Variants in ACACA observed in about 807,000 individuals in gnomAD.
ACACA encodes acetyl-CoA carboxylase 1.
Under a neutral mutation model 296.1 loss-of-function variants are expected in ACACA, and 103 were observed. The ratio of observed to expected loss-of-function variants is 0.35; its 90% confidence interval spans 0.30 to 0.41. ACACA has a LOEUF of 0.41. ACACA is among the 10% of genes least tolerant of loss of function. ACACA has a pLI of 1.00. For synonymous variants in ACACA, 953 were observed against 1,038.6 expected, an observed-to-expected ratio of 0.92 and a Z score of 1.58; for missense variants, 1,554 against 2,989.7, an observed-to-expected ratio of 0.52 and a Z score of 11.20.
intron 43 of ACACA, among the ~76,000 whole-genome samples, chr17:37,153,300 C>A (rs1219881635): frequency 6.6e-6 from 1 of 152,160 alleles, no homozygotes; most frequent in Admixed American, 6.5e-5. Flanking sequence ...CAGAATCTCA[C>A]CGTAACTATA....
chr17:37,313,766 C>A lies in ACACA; in HGVS notation c.338+16407G>T, dbSNP rs901664214. On this transcript the variant is annotated intron_variant, in intron 3 of 55. Coordinates refer to ENST00000616317, the MANE Select transcript of ACACA (RefSeq NM_198834.3). ...TAAAACACAATGGGAATGTAAATCT[C>A]CATACAACCACTATGGAGAACAGTA... Among the ~76,000 whole-genome samples, 4 of 152,248 alleles carry A rather than the reference C, an allele frequency of 2.6e-5. No homozygotes were observed. In the East Asian group the frequency reaches 7.7e-4, roughly 29 times the overall value.
intron 1 of ACACA, among the ~76,000 whole-genome samples, chr17:37,389,071 T>G (rs749454954): frequency 1.3e-5 from 2 of 152,212 alleles, no homozygotes; most frequent in Non-Finnish European, 2.9e-5. Flanking sequence ...GCTCACTAAA[T>G]GCAGTTCCTT....
chr17:37,112,882 A>C (rs1217054171), intron 51 of ACACA, among the ~76,000 whole-genome samples: 1 of 152,154 alleles, frequency 6.6e-6, no homozygotes, highest in African/African-American at 2.4e-5. Context: ...TCTCCCTTAC[A>C]GTTTTTTTGG....
At chr17:37,156,155 C>T (rs1299853556) in intron 42 of ACACA, among the ~76,000 whole-genome samples, 1 of 150,178 alleles carries the variant, frequency 6.7e-6, no homozygotes, top group African/African-American at 2.5e-5. Context: ...GTTCCGCCTC[C>T]TGGGTTCACA....
intron 41 of ACACA, among the ~76,000 whole-genome samples, chr17:37,175,527 TCAACA>T (rs1180898167): frequency 1.3e-5 from 2 of 152,220 alleles, no homozygotes; most frequent in Non-Finnish European, 1.5e-5. Context: ...GTATCCAGGC[TCAACA>T]GCACACATTC....
At chr17:37,227,687 C>T (rs184472340) in intron 25 of ACACA, among the ~76,000 whole-genome samples, 6 of 152,092 alleles carry the variant, frequency 3.9e-5, no homozygotes, top group East Asian at 1.9e-4. Context: ...GGTGAAACCC[C>T]GTCTCTACTA....
At chr17:37,165,714 A>T (rs1598035063) in intron 41 of ACACA, among the ~76,000 whole-genome samples, 2 of 147,174 alleles carry the variant, frequency 1.4e-5, no homozygotes, top group Non-Finnish European at 1.5e-5. Context: ...TCGCTCTGTC[A>T]CCCAGGCTGG....
intron 45 of ACACA, among the ~76,000 whole-genome samples, chr17:37,134,532 A>G (rs2075251565): frequency 6.6e-6 from 1 of 152,226 alleles, no homozygotes; most frequent in South Asian, 2.1e-4. Context: ...GGGGACCCTT[A>G]GACTTATAGG....
At chr17:37,289,381 G>T (rs2082939203) in intron 3 of ACACA, 1 of 1,150,646 alleles carries the variant, frequency 8.7e-7, no homozygotes, top group Non-Finnish European at 1.2e-6. Flanking sequence ...GGTATTGAAA[G>T]GTAACACAGA....
intron 3 of ACACA, among the ~76,000 whole-genome samples, chr17:37,327,768 C>T (rs537246218): frequency 9.9e-4 from 150 of 152,202 alleles, no homozygotes; most frequent in Non-Finnish European, 1.8e-3. Context: ...ACCAGTCTTT[C>T]TCAACAGGGG....
chr17:37,223,811 T>C (rs1567840583), intron 27 of ACACA, among the ~76,000 whole-genome samples: 1 of 152,240 alleles, frequency 6.6e-6, no homozygotes, highest in Admixed American at 6.5e-5. Flanking sequence ...TAAATACATG[T>C]AAAATTCTTG....
intron 12 of ACACA, among the ~76,000 whole-genome samples, chr17:37,258,949 G>A (rs1287500914): frequency 6.6e-6 from 1 of 152,026 alleles, no homozygotes; most frequent in East Asian, 1.9e-4. Context: ...AAATATATGT[G>A]TGCTACCACA....
intron 1 of ACACA, among the ~76,000 whole-genome samples, chr17:37,349,540 T>C (rs1218213670): frequency 1.4e-5 from 2 of 148,068 alleles, no homozygotes; most frequent in African/African-American, 4.9e-5. Flanking sequence ...TGCGCGCGTG[T>C]GTGTGTGTAT....
intron 3 of ACACA, chr17:37,301,319 C>T: frequency 1.1e-6 from 1 of 943,708 alleles, no homozygotes; most frequent in Non-Finnish European, 1.3e-6. Context: ...ACATTCATTT[C>T]TCCAAATTTA....
chr17:37,360,223 G>A (rs1242755572), intron 1 of ACACA: 1 of 152,194 alleles, frequency 6.6e-6, no homozygotes, highest in Non-Finnish European at 1.5e-5. Flanking sequence ...GCCCTTCCAA[G>A]GAGGAATTTA....
At chr17:37,115,524 G>C (rs954041703) in intron 50 of ACACA, among the ~76,000 whole-genome samples, 2 of 152,092 alleles carry the variant, frequency 1.3e-5, no homozygotes, top group Non-Finnish European at 2.9e-5. Flanking sequence ...AAAAGTTAGA[G>C]GTAAGTGAAG....
intron 41 of ACACA, among the ~76,000 whole-genome samples, chr17:37,174,085 T>G (rs1444634048): frequency 1.5e-5 from 2 of 133,178 alleles, no homozygotes; most frequent in Non-Finnish European, 3.2e-5. Flanking sequence ...GGTCTCAAAC[T>G]CCTGGCGTCA....
At chr17:37,287,797 G>A (rs1313241130) in intron 3 of ACACA, among the ~76,000 whole-genome samples, 1 of 151,246 alleles carries the variant, frequency 6.6e-6, no homozygotes, top group Non-Finnish European at 1.5e-5. Context: ...GAGTCTAGCA[G>A]CTACTTTGCC....
At position 37,235,249 on chromosome 17, in the gene ACACA, A is replaced by G. The variant is rs2080055259; in HGVS notation, c.3122-150T>C. 3 of 1,047,270 alleles carry G rather than the reference A, an allele frequency of 2.9e-6. No homozygotes were observed. The South Asian group carries it at 4.2e-5, about 15-fold the overall frequency. The allele number at this position is 1,047,270 out of a possible 1,614,324, so 64.9% of individuals were successfully genotyped here. ...TGGATGGATTTGTACAGAAACTGGC[A>G]ATGTGATTTAGTAAAAGGAACACTG... On this transcript the variant is annotated intron_variant, in intron 24 of 55. Transcript: ENST00000616317.
Sources: gnomAD v4.1 joint callset for allele counts (sites outside exome capture counted in the v4.1 genomes callset) on GRCh38, gnomAD v4.1.1 for gene constraint, MANE v1.5 for transcripts, NCBI Gene and HGNC (gene_info 2026-07-23, HGNC 2026-07-21) for gene names.